B3GAT2: variants seen among roughly 807,000 people sequenced by gnomAD.
B3GAT2 encodes galactosylgalactosylxylosylprotein 3-beta-glucuronosyltransferase 2.
In B3GAT2, 26 loss-of-function variants were observed where a neutral mutation model predicts 27.8. The ratio of observed to expected loss-of-function variants is 0.93; its 90% CI spans 0.68 to 1.30. B3GAT2 has a LOEUF of 1.30. Among genes scored for constraint, B3GAT2 ranks in the 50% most tolerant of loss-of-function variants. The pLI, the probability that B3GAT2 is intolerant of heterozygous loss-of-function variation, is 0.00. For missense variants in B3GAT2, 458 were observed against 459.0 expected (o/e 1.00, Z 0.02); for synonymous variants, 218 against 195.1 (o/e 1.12, Z -0.98).
At position 70,858,794 on chromosome 6, in the gene B3GAT2, C is replaced by A. The variant is rs893198411; in HGVS notation, c.*2869G>T. On this transcript the variant is annotated 3_prime_UTR_variant, in exon 4 of 4. Transcript: ENST00000230053. ...AGAAACCTTTGTAAAGTTGTATTTT[C>A]TTTTTACATACCCTATAATGACTTT... 7 of 152,720 alleles carry A rather than the reference C, an allele frequency of 4.6e-5. No individual in the cohort carries two copies. The highest frequency in any genetic ancestry group is 1.7e-4 in the African/African-American group (7 of 41,426). 9.5% of individuals were successfully genotyped at this position (152,720 alleles called of 1,614,324 possible).
intron 1 of B3GAT2, among the ~76,000 whole-genome samples, chr6:70,947,228 A>C (rs1162560337): frequency 1.3e-5 from 2 of 151,794 alleles, no homozygotes; most frequent in African/African-American, 4.8e-5. Flanking sequence ...AAATAACTAA[A>C]ATCAGAGCAG....
chr6:70,944,332 G>A (rs544020350), intron 1 of B3GAT2, among the ~76,000 whole-genome samples: 147 of 152,248 alleles, frequency 9.7e-4, no homozygotes, highest in Non-Finnish European at 1.3e-3. Context: ...CAAAGAAAGG[G>A]GTGACAGAGG....
At chr6:70,866,157 C>T (rs1771847339) in intron 2 of B3GAT2, among the ~76,000 whole-genome samples, 1 of 152,178 alleles carries the variant, frequency 6.6e-6, no homozygotes. Context: ...GAATCAATTA[C>T]TGGAGGGGAC....
chr6:70,956,609 C>G lies in B3GAT2; in HGVS notation c.-180G>C, dbSNP rs1297838939. On this transcript the variant is annotated 5_prime_UTR_variant, in exon 1 of 4. Coordinates refer to ENST00000230053, the MANE Select transcript of B3GAT2 (RefSeq NM_080742.3). Reference sequence around the variant, plus strand: ...GGCTCACTACCTGGGCGTGGAGGAGCGGCAGGTTCGCGCAAGCTAGAGCGA... The same window carrying G: ...GGCTCACTACCTGGGCGTGGAGGAGGGGCAGGTTCGCGCAAGCTAGAGCGA... 3 of 1,430,038 alleles carry G rather than the reference C, an allele frequency of 2.1e-6. No individual in the cohort carries two copies. In the African/African-American group the frequency reaches 4.4e-5, roughly 21 times the overall value. 88.6% of individuals were successfully genotyped at this position (1,430,038 alleles called of 1,614,324 possible). A position where few individuals can be genotyped will look rare whatever the true frequency, so the allele number is the denominator to read the frequency against.
At chr6:70,949,850 T>C (rs1352352712) in intron 1 of B3GAT2, among the ~76,000 whole-genome samples, 1 of 151,640 alleles carries the variant, frequency 6.6e-6, no homozygotes, top group African/African-American at 2.4e-5. Flanking sequence ...GTGGCATATA[T>C]ACACCATGGA....
At chr6:70,930,582 A>G (rs1390780764) in intron 1 of B3GAT2, among the ~76,000 whole-genome samples, 1 of 152,272 alleles carries the variant, frequency 6.6e-6, no homozygotes, top group Non-Finnish European at 1.5e-5. Context: ...GACACACGAA[A>G]AAATGCTCAT....
At chr6:70,874,706 G>A (rs1771986157) in intron 2 of B3GAT2, among the ~76,000 whole-genome samples, 1 of 152,106 alleles carries the variant, frequency 6.6e-6, no homozygotes, top group Non-Finnish European at 1.5e-5. Context: ...TTTGACAAAC[G>A]CCCCCAGGGA....
chr6:70,932,185 G>A (rs879105881), intron 1 of B3GAT2, among the ~76,000 whole-genome samples: 6 of 152,082 alleles, frequency 3.9e-5, no homozygotes, highest in African/African-American at 9.7e-5. Context: ...TGTTACCCTC[G>A]TGGTCTGGTG....
At chr6:70,939,928 T>C (rs1765361541) in intron 1 of B3GAT2, among the ~76,000 whole-genome samples, 1 of 152,000 alleles carries the variant, frequency 6.6e-6, no homozygotes, top group Non-Finnish European at 1.5e-5. Flanking sequence ...AAAATGTAGA[T>C]GTCAATTAAA....
chr6:70,907,206 T>C (rs983066441), intron 1 of B3GAT2, among the ~76,000 whole-genome samples: 4 of 152,166 alleles, frequency 2.6e-5, no homozygotes, highest in African/African-American at 9.7e-5. Context: ...TCTTGAGTTG[T>C]CAGTGATTAG....
chr6:70,900,307 G>A (rs960578569), intron 1 of B3GAT2, among the ~76,000 whole-genome samples: 4 of 152,170 alleles, frequency 2.6e-5, no homozygotes, highest in East Asian at 1.9e-4. Flanking sequence ...ACTATTCCAG[G>A]GTAGTGGTGC....
chr6:70,865,379 A>C lies in B3GAT2; in HGVS notation c.737-3401T>G, dbSNP rs937153534. On this transcript the variant is annotated intron_variant, in intron 2 of 3. Transcript: ENST00000230053. The stretch of plus-strand genomic sequence containing the variant: ...GTTATCTGCCCCCCTCGGCCTCCTA[A>C]AGTGCTGGGATTACAGGCGTGAGCT... Among the ~76,000 whole-genome samples, 7 of 152,280 alleles carry C rather than the reference A, an allele frequency of 4.6e-5. No homozygotes were observed. The East Asian group carries it at 1.4e-3, about 29-fold the overall frequency.
intron 1 of B3GAT2, among the ~76,000 whole-genome samples, chr6:70,939,906 A>G (rs1311594371): frequency 6.6e-6 from 1 of 152,002 alleles, no homozygotes; most frequent in Non-Finnish European, 1.5e-5. Flanking sequence ...ATAATAAAAT[A>G]ATAAAAAAAA....
intron 2 of B3GAT2, among the ~76,000 whole-genome samples, chr6:70,862,180 AAAAT>A (rs1276465457): frequency 2.0e-5 from 3 of 152,184 alleles, no homozygotes; most frequent in Non-Finnish European, 4.4e-5. Flanking sequence ...CATTCCGTGT[AAAAT>A]AAAGGCGTGC....
intron 1 of B3GAT2, among the ~76,000 whole-genome samples, chr6:70,896,463 A>G (rs1377403713): frequency 6.6e-6 from 1 of 152,202 alleles, no homozygotes; most frequent in Non-Finnish European, 1.5e-5. Context: ...ATAGCCATGA[A>G]GCCATCACCA....
Position 70,956,191 on chromosome 6 carries a change from G to A in B3GAT2, c.239C>T (p.Pro80Leu). ...GGTGGGCGTGATGGCATAGATGGTG[G>A]GCAGCTGCGGCTCCGGCTGTGGCTG... ...RPQPQPEPQL[P>L]TIYAITPTYS... is the part of the protein sequence containing the mutation. Residue 80 changes from proline (P) to leucine (L), a missense_variant, in exon 1 of 4, where the codon CCC becomes CTC. By Grantham distance (98) the Pro-to-Leu change is moderately conservative. Coordinates refer to ENST00000230053, the MANE Select transcript of B3GAT2 (RefSeq NM_080742.3). The A allele has an allele frequency of 6.2e-7, 1 of 1,611,754 alleles. No homozygotes were observed. Among genetic ancestry groups the A allele is most frequent in the Non-Finnish European group, 8.5e-7 (1 of 1,178,810 alleles).
intron 1 of B3GAT2, among the ~76,000 whole-genome samples, chr6:70,907,269 GAA>G (rs373068334): frequency 1.3e-3 from 204 of 152,256 alleles, no homozygotes; most frequent in African/African-American, 4.7e-3. Context: ...CTGCTTCTGG[GAA>G]AAGTGCCCTC....
intron 1 of B3GAT2, among the ~76,000 whole-genome samples, chr6:70,917,835 A>C (rs777652594): frequency 2.6e-5 from 4 of 152,142 alleles, no homozygotes; most frequent in Non-Finnish European, 2.9e-5. Flanking sequence ...TCAATTTTAG[A>C]ATAAGTGTGA....
intron 2 of B3GAT2, among the ~76,000 whole-genome samples, chr6:70,881,756 G>A (rs1395908102): frequency 6.6e-6 from 1 of 152,180 alleles, no homozygotes; most frequent in Non-Finnish European, 1.5e-5. Context: ...GCCCCCTTCA[G>A]CCCACTGGAT....
Sources: allele counts gnomAD v4.1 joint callset (sites outside exome capture counted in the v4.1 genomes callset), GRCh38; gene constraint gnomAD v4.1.1; transcripts MANE v1.5; gene names NCBI Gene and HGNC (gene_info 2026-07-23, HGNC 2026-07-21).